The following PDZK1 variants were observed in gnomAD, a reference collection of about 807,000 sequenced individuals.
The protein encoded by PDZK1 is Na(+)/H(+) exchange regulatory cofactor NHE-RF3.
PDZK1 carries 23 observed loss-of-function variants against 38.1 expected under a neutral mutation model. The ratio of observed to expected loss-of-function variants is 0.60; its 90% confidence interval spans 0.43 to 0.85. The LOEUF (loss-of-function observed/expected upper bound fraction) is 0.85. Among genes scored for constraint, PDZK1 ranks in the 40% least tolerant of loss-of-function variants. The pLI, the probability that PDZK1 is intolerant of heterozygous loss-of-function variation, is 0.00. For missense variants in PDZK1, 297 were observed against 504.3 expected (o/e 0.59, Z 3.94); for synonymous variants, 98 against 186.2 (o/e 0.53, Z 3.86).
intron 6 of PDZK1, chr1:145,674,217 C>CTA: frequency 1.0e-6 from 1 of 985,350 alleles, no homozygotes; most frequent in African/African-American, 1.7e-5. Context: ...ACTGAACAAG[C>CTA]TATACATAAT....
In PDZK1 at chr1:145,686,734, G is replaced by A. The variant is rs1332518558; in HGVS notation, c.211-8C>T. On this transcript the variant is annotated splice_polypyrimidine_tract_variant and splice_region_variant and intron_variant, in intron 2 of 8. Transcript: ENST00000417171. ...TCTGACCAGATCCACAACCTAGGAGGGAAGAAGAAAAAGGTAACTTTAATA... is the reference window on the plus strand; with the variant it reads ...TCTGACCAGATCCACAACCTAGGAGAGAAGAAGAAAAAGGTAACTTTAATA... 2.1e-6 allele frequency: 3 copies of A among 1,419,752 alleles called. No individual in the cohort carries two copies. The highest frequency in any genetic ancestry group is 1.4e-5 in the African/African-American group (1 of 69,914). 87.9% of individuals were successfully genotyped at this position (1,419,752 alleles called of 1,614,324 possible). A position where few individuals can be genotyped will look rare whatever the true frequency, so the allele number is the denominator to read the frequency against.
At chr1:145,703,839 G>T (rs1173043757) in intron 1 of PDZK1, among the ~76,000 whole-genome samples, 1 of 150,602 alleles carries the variant, frequency 6.6e-6, no homozygotes, top group Non-Finnish European at 1.5e-5. Context: ...TTTTTTTTTG[G>T]CCAGGAGGGA....
At chr1:145,670,890 CTG>C (rs1169253096), downstream of PDZK1, 3 of 148,850 alleles carry the variant, frequency 2.0e-5, no homozygotes, top group African/African-American at 5.0e-5. Flanking sequence ...AGGTCTTATT[CTG>C]TACTTTATTG....
intron 1 of PDZK1, among the ~76,000 whole-genome samples, chr1:145,705,941 C>T (rs587599002): frequency 1.6e-4 from 25 of 152,088 alleles, no homozygotes; most frequent in South Asian, 1.0e-3. Context: ...TTTGTAGAGA[C>T]GGGGGTCTCA....
intron 1 of PDZK1, among the ~76,000 whole-genome samples, chr1:145,705,373 G>A (rs1215552412): frequency 6.6e-6 from 1 of 152,144 alleles, no homozygotes; most frequent in African/African-American, 2.4e-5. Context: ...TTACAGATGT[G>A]AGCCACTGCA....
intron 1 of PDZK1, among the ~76,000 whole-genome samples, chr1:145,706,838 A>G (rs1325841314): frequency 1.3e-5 from 2 of 151,856 alleles, no homozygotes; most frequent in Non-Finnish European, 2.9e-5. Context: ...AGTGTGATAC[A>G]GAGAGGAAAG....
In PDZK1 at chr1:145,672,854, T is replaced by G. The variant is rs781862802; in HGVS notation, c.1382A>C (p.Asp461Ala). 1.2e-4 allele frequency: 195 copies of G among 1,610,844 alleles called. 3 individuals are homozygous for G. In the East Asian group the frequency reaches 4.2e-3, roughly 35 times the overall value. The change falls in exon 8 of 9, where the codon GAT becomes GCT. Residue 461 changes from aspartate (D) to alanine (A), a missense_variant. Transcript: ENST00000417171. The stretch of plus-strand genomic sequence containing the variant: ...AGGGATTTTCTTAGCTTGGAAATAA[T>G]CATAGGCCTTCTTTCCACAGACTAG... ...TLLVCGKKAYDYFQAKKIPIV... is the reference protein window; with the variant it reads ...TLLVCGKKAYAYFQAKKIPIV...
chr1:145,675,287 C>A (rs1352662265), intron 6 of PDZK1, among the ~76,000 whole-genome samples: 1 of 144,206 alleles, frequency 6.9e-6, no homozygotes, highest in Non-Finnish European at 1.5e-5. Context: ...ATGGTGTGAT[C>A]CTGGATCAGC....
chr1:145,674,235 T>C (rs1553698859), intron 6 of PDZK1: 1 of 985,066 alleles, frequency 1.0e-6, no homozygotes, highest in African/African-American at 1.7e-5. Flanking sequence ...AATCTCCCTG[T>C]TGGGAAATGA....
At chr1:145,695,757 A>C (rs782800569) in intron 1 of PDZK1, among the ~76,000 whole-genome samples, 16 of 152,098 alleles carry the variant, frequency 1.1e-4, no homozygotes, top group Non-Finnish European at 2.2e-4. Context: ...TCAAAATCCT[A>C]CTCACACGTG....
chr1:145,698,095 C>T (rs1055196939), intron 1 of PDZK1, among the ~76,000 whole-genome samples: 29 of 152,032 alleles, frequency 1.9e-4, no homozygotes, highest in African/African-American at 7.0e-4. Flanking sequence ...TTACCTCAGC[C>T]TCAATCTCTC....
chr1:145,697,763 A>ATT (rs10564713), intron 1 of PDZK1, among the ~76,000 whole-genome samples: 562 of 44,974 alleles, frequency 0.012, 91 homozygotes, highest in Middle Eastern at 0.016. Flanking sequence ...TGCCCAGCTA[A>ATT]TTTTTTTTTT....
At chr1:145,687,188 C>T (rs1654852994) in intron 2 of PDZK1, among the ~76,000 whole-genome samples, 1 of 151,824 alleles carries the variant, frequency 6.6e-6, no homozygotes, top group Non-Finnish European at 1.5e-5. Flanking sequence ...TAACATATAC[C>T]TTATGAGGTC....
chr1:145,698,730 A>G (rs1266651386), intron 1 of PDZK1, among the ~76,000 whole-genome samples: 7 of 152,130 alleles, frequency 4.6e-5, no homozygotes, highest in African/African-American at 1.7e-4. Flanking sequence ...GGAGTTCGAG[A>G]CCAGCTTGGC....
intron 1 of PDZK1, among the ~76,000 whole-genome samples, chr1:145,699,854 G>A (rs1188088322): frequency 2.6e-5 from 4 of 152,114 alleles, no homozygotes; most frequent in African/African-American, 9.7e-5. Context: ...AAGAACATGG[G>A]TGAGTTCCTT....
intron 6 of PDZK1, chr1:145,674,257 G>A (rs1176812775): frequency 6.7e-5 from 66 of 985,162 alleles, no homozygotes; most frequent in Non-Finnish European, 7.4e-5. Context: ...ATATCTGACC[G>A]ACTAGCCGGT....
At chr1:145,686,102 C>A (rs1654739868) in intron 3 of PDZK1, among the ~76,000 whole-genome samples, 1 of 152,158 alleles carries the variant, frequency 6.6e-6, no homozygotes, top group Admixed American at 6.5e-5. Flanking sequence ...TATGAAGAAT[C>A]TCATTTTTCT....
In PDZK1 at chr1:145,671,300, T is replaced by C; in HGVS notation, c.*136A>G. On this transcript the variant is annotated 3_prime_UTR_variant, in exon 9 of 9. Transcript: ENST00000417171. ...AATGATAACAGAAGACAATCACACA[T>C]GGTGAATGGTTTCCAGTGGAGTTTT... 1 of 1,433,942 alleles carries C rather than the reference T, an allele frequency of 7.0e-7. No homozygotes were observed. The highest frequency in any genetic ancestry group is 2.6e-4 in the Middle Eastern group (1 of 3,778). 88.8% of individuals were successfully genotyped at this position (1,433,942 alleles called of 1,614,324 possible).
intron 1 of PDZK1, among the ~76,000 whole-genome samples, chr1:145,702,676 G>A (rs1261208963): frequency 1.3e-5 from 2 of 152,090 alleles, no homozygotes; most frequent in Non-Finnish European, 2.9e-5. Flanking sequence ...GGCGGATCAC[G>A]AGGTCAGGAG....
Sources: allele counts gnomAD v4.1 joint callset (sites outside exome capture counted in the v4.1 genomes callset), GRCh38; gene constraint gnomAD v4.1.1; transcripts MANE v1.5; gene names NCBI Gene and HGNC (gene_info 2026-07-23, HGNC 2026-07-21).